The following DNTT variants were observed in gnomAD, a reference collection of about 807,000 sequenced individuals.
DNTT encodes DNA nucleotidylexotransferase, also known as nucleosidetriphosphate:DNA deoxynucleotidylexotransferase.
A neutral mutation model predicts 60.9 loss-of-function variants in DNTT; 47 were observed. The ratio of observed to expected loss-of-function variants is 0.77; its 90% CI spans 0.61 to 0.98. The LOEUF is 0.98. Ranked by LOEUF, DNTT falls within the 50% of genes least tolerant of loss-of-function variation. The probability of loss-of-function intolerance (pLI) is 0.00; values close to 1 mark genes in which losing one functional copy is unlikely to be tolerated. For synonymous variants in DNTT, 224 were observed against 221.2 expected (o/e 1.01, Z -0.11); for missense variants, 665 against 627.5 (o/e 1.06, Z -0.64).
intron 1 of DNTT, among the ~76,000 whole-genome samples, chr10:96,314,412 T>C (rs1288944362): frequency 1.2e-5 from 1 of 86,766 alleles, no homozygotes; most frequent in African/African-American, 5.8e-5. Flanking sequence ...CTTTTTTTTT[T>C]TTTTTTTTTT....
intron 4 of DNTT, 132 bp downstream of exon 4, chr10:96,320,920 T>C (rs1450453697): frequency 9.8e-7 from 1 of 1,022,392 alleles, no homozygotes; most frequent in Non-Finnish European, 1.4e-6. Flanking sequence ...TTTATACATA[T>C]TCCTCTCTCT....
intron 8 of DNTT, among the ~76,000 whole-genome samples, chr10:96,331,459 A>G (rs1845005203): frequency 6.6e-6 from 1 of 152,220 alleles, no homozygotes; most frequent in South Asian, 2.1e-4. Context: ...CTCATGGCAG[A>G]AGGCAAGGAA....
Position 96,328,822 on chromosome 10 carries a change from G to A in DNTT, c.1105G>A (p.Glu369Lys), listed in dbSNP as rs1844970748. The A allele has an allele frequency of 6.2e-7, 1 of 1,612,352 alleles. No homozygotes were observed. The highest frequency in any genetic ancestry group is 8.5e-7 in the Non-Finnish European group (1 of 1,179,548). The change falls in exon 8 of 11, where the codon GAA (glutamate) becomes AAA (lysine). Residue 369 changes from glutamate (E) to lysine (K), a missense_variant. Coordinates refer to ENST00000371174, the MANE Select transcript of DNTT (RefSeq NM_004088.4). ...TTTACAGAAAGTGATGAACTTATGG[G>A]AAAAGAAGGTGAGAAGAAAGATGAA... ...QLLQKVMNLW[E>K]KKGLLLYYDL...
At chr10:96,322,538 C>G (rs899948281) in intron 4 of DNTT, 119 bp from the exon 5 acceptor site, 1 of 612,598 alleles carries the variant, frequency 1.6e-6, no homozygotes, top group African/African-American at 1.9e-5. Flanking sequence ...GGAAATACCC[C>G]TGCATGTGAT....
intron 5 of DNTT, 131 bp from the exon 6 acceptor site, chr10:96,324,135 T>C: frequency 8.0e-7 from 1 of 1,248,748 alleles, no homozygotes; most frequent in Non-Finnish European, 1.1e-6. Context: ...CTGCTCGTTA[T>C]ATTCAGGAGA....
At chr10:96,335,589 C>G (rs550597877) in intron 9 of DNTT, among the ~76,000 whole-genome samples, 1 of 152,338 alleles carries the variant, frequency 6.6e-6, no homozygotes, top group East Asian at 1.9e-4. Flanking sequence ...CCTGGTAGAA[C>G]GCTCACGCTA....
At chr10:96,325,130 G>A (rs1294497284) in intron 6 of DNTT, among the ~76,000 whole-genome samples, 1 of 152,024 alleles carries the variant, frequency 6.6e-6, no homozygotes, top group Non-Finnish European at 1.5e-5. Flanking sequence ...GCAATACAGT[G>A]TGAAAAAAAC....
intron 1 of DNTT, among the ~76,000 whole-genome samples, chr10:96,307,607 G>A (rs1458926541): frequency 6.7e-6 from 1 of 148,510 alleles, no homozygotes; most frequent in Non-Finnish European, 1.5e-5. Context: ...GCCCGCCTTG[G>A]CCTCCCAAAA....
intron 4 of DNTT, among the ~76,000 whole-genome samples, chr10:96,321,500 A>C (rs10736101): frequency 0.84 from 127,626 of 152,058 alleles, 57,121 homozygotes; most frequent in East Asian, 1. Flanking sequence ...GAAAGTCATA[A>C]TCTGCCATTT....
At chr10:96,328,195 C>T (rs1359031636) in intron 7 of DNTT, among the ~76,000 whole-genome samples, 1 of 152,178 alleles carries the variant, frequency 6.6e-6, no homozygotes, top group Non-Finnish European at 1.5e-5. Context: ...GATATTGAGG[C>T]CTGCATTTCA....
At chr10:96,319,675 G>A (rs574075844) in intron 3 of DNTT, among the ~76,000 whole-genome samples, 1 of 152,302 alleles carries the variant, frequency 6.6e-6, no homozygotes, top group Admixed American at 6.5e-5. Flanking sequence ...CTTGTCAAAA[G>A]CAAATATTCT....
chr10:96,314,498 C>T (rs371355643), intron 1 of DNTT, among the ~76,000 whole-genome samples: 5 of 144,438 alleles, frequency 3.5e-5, no homozygotes, highest in East Asian at 2.1e-4. Context: ...CTGCAACCTC[C>T]GCCTCCCAGG....
rs9702076 is a variant in DNTT, at chr10:96,307,366, T to G, written c.203+2666T>G. On this transcript the variant is annotated intron_variant, in intron 1 of 10. Coordinates refer to ENST00000371174, the MANE Select transcript of DNTT (RefSeq NM_004088.4). ...CAGTTTTTTTTTTTTTTTTTTTTTT[T>G]TTTTTTTTGAGACGGAGTCTCGCTC... Among the ~76,000 whole-genome samples the G allele has an allele frequency of 3.3e-3, 457 of 139,296 alleles. 9 individuals are homozygous for G. The highest frequency in any genetic ancestry group is 0.012 in the African/African-American group (439 of 37,090). The allele number at this position is 139,296 out of a possible 152,430, so 91.4% of individuals were successfully genotyped here.
intron 6 of DNTT, 146 bp from the exon 7 acceptor site, chr10:96,327,322 C>A: frequency 8.2e-7 from 1 of 1,220,050 alleles, no homozygotes; most frequent in South Asian, 1.3e-5. Flanking sequence ...ACCACATGGA[C>A]TATTCTGTCT....
chr10:96,338,553 A>G lies in DNTT; in HGVS notation c.*329A>G, dbSNP rs980166487. On this transcript the variant is annotated 3_prime_UTR_variant, in exon 11 of 11. Transcript: ENST00000371174. ...AATACTGTCTATCTCTAATAAAAAC[A>G]GGAGGAAACAAGATGATGGAATCTG... 1.1e-5 allele frequency: 2 copies of G among 183,216 alleles called. No homozygotes were observed. The highest frequency in any genetic ancestry group is 4.7e-5 in the African/African-American group (2 of 42,442). 11.3% of individuals were successfully genotyped at this position (183,216 alleles called of 1,614,324 possible).
intron 1 of DNTT, among the ~76,000 whole-genome samples, chr10:96,308,867 G>C (rs1367741713): frequency 6.6e-6 from 1 of 152,190 alleles, no homozygotes; most frequent in Non-Finnish European, 1.5e-5. Flanking sequence ...ACATTCGTTA[G>C]GGTGAGGCAG....
In DNTT at chr10:96,338,288, T is replaced by C. The variant is rs147510137; in HGVS notation, c.*64T>C. The C allele has an allele frequency of 8.9e-5, 130 of 1,464,364 alleles. No individual in the cohort carries two copies. The African/African-American group carries it at 1.6e-3, about 18-fold the overall frequency. The allele number at this position is 1,464,364 out of a possible 1,614,324, so 90.7% of individuals were successfully genotyped here. ...TTAAATAAATTATGCTTCATATTAG[T>C]AAAAGATGCCATAGGAGAGTTTGGG... On this transcript the variant is annotated 3_prime_UTR_variant, in exon 11 of 11. Transcript: ENST00000371174.
At chr10:96,325,892 C>T (rs969818607) in intron 6 of DNTT, among the ~76,000 whole-genome samples, 3 of 152,210 alleles carry the variant, frequency 2.0e-5, no homozygotes, top group African/African-American at 7.2e-5. Flanking sequence ...CACTTGATTG[C>T]AGTTCCCTGA....
intron 4 of DNTT, 131 bp downstream of exon 4, chr10:96,320,919 A>G: frequency 1.9e-6 from 2 of 1,058,150 alleles, no homozygotes; most frequent in South Asian, 3.4e-5. Flanking sequence ...CTTTATACAT[A>G]TTCCTCTCTC....
Sources: allele counts gnomAD v4.1 joint callset (sites outside exome capture counted in the v4.1 genomes callset), GRCh38; gene constraint gnomAD v4.1.1; transcripts MANE v1.5; gene names NCBI Gene and HGNC (gene_info 2026-07-23, HGNC 2026-07-21).